Variants in SIPA1L3 observed in about 807,000 individuals in gnomAD.
The protein encoded by SIPA1L3 is signal induced proliferation associated 1 like 3.
A neutral mutation model predicts 150.1 loss-of-function variants in SIPA1L3; 59 were observed. The ratio of observed to expected loss-of-function variants is 0.39; its 90% CI spans 0.32 to 0.49. The LOEUF (loss-of-function observed/expected upper bound fraction) is 0.49, where lower values mean the gene tolerates loss of function less well. Ranked by LOEUF, SIPA1L3 falls within the 20% of genes least tolerant of loss-of-function variation. SIPA1L3 has a pLI of 0.86. For synonymous variants in SIPA1L3, 1,070 were observed against 1,077.6 expected (o/e 0.99, Z 0.14); for missense variants, 2,211 against 2,489.5 (o/e 0.89, Z 2.38).
At chr19:38,113,302 T>C (rs1478416142) in intron 8 of SIPA1L3, among the ~76,000 whole-genome samples, 1 of 151,416 alleles carries the variant, frequency 6.6e-6, no homozygotes, top group Non-Finnish European at 1.5e-5. Flanking sequence ...TTGCCCAACA[T>C]GTTTCTGTCA....
chr19:37,926,712 A>G (rs1441993301), intron 1 of SIPA1L3, among the ~76,000 whole-genome samples: 2 of 152,132 alleles, frequency 1.3e-5, no homozygotes, highest in Non-Finnish European at 2.9e-5. Context: ...TGGGGGTGAA[A>G]TAACCTTAAA....
intron 9 of SIPA1L3, among the ~76,000 whole-genome samples, chr19:38,122,267 CA>C (rs2145901122): frequency 6.6e-6 from 1 of 152,298 alleles, no homozygotes; most frequent in South Asian, 2.1e-4. Flanking sequence ...CCACCCCTCT[CA>C]GAGGTTTCCT....
At chr19:37,936,613 C>A (rs1459331203) in intron 1 of SIPA1L3, among the ~76,000 whole-genome samples, 2 of 152,170 alleles carry the variant, frequency 1.3e-5, no homozygotes, top group African/African-American at 4.8e-5. Flanking sequence ...TTCACAGTGG[C>A]CCTATGAAAT....
At chr19:38,097,055 T>TAGATA (rs1163784034) in intron 4 of SIPA1L3, among the ~76,000 whole-genome samples, 60 of 152,246 alleles carry the variant, frequency 3.9e-4, no homozygotes, top group Admixed American at 1.4e-3. Flanking sequence ...AACAAAAGAA[T>TAGATA]ACAAACTGCC....
intron 2 of SIPA1L3, among the ~76,000 whole-genome samples, chr19:38,053,424 A>G (rs1969243075): frequency 1.3e-5 from 2 of 152,224 alleles, no homozygotes; most frequent in South Asian, 4.1e-4. Flanking sequence ...ACATCTAGGG[A>G]GTGGCACACC....
chr19:38,142,812 A>G, intron 12 of SIPA1L3, 102 bp downstream of exon 12: 3 of 1,437,888 alleles, frequency 2.1e-6, no homozygotes, highest in East Asian at 2.3e-5. Context: ...TTGCCATTTT[A>G]TGGTGTTTCT....
chr19:38,017,731 G>A (rs971074200), intron 1 of SIPA1L3, among the ~76,000 whole-genome samples: 1 of 151,810 alleles, frequency 6.6e-6, no homozygotes, highest in Non-Finnish European at 1.5e-5. Context: ...GGGTCTTGCA[G>A]TGTTGCCCAG....
At chr19:37,929,685 C>T (rs2046535850) in intron 1 of SIPA1L3, among the ~76,000 whole-genome samples, 1 of 152,160 alleles carries the variant, frequency 6.6e-6, no homozygotes, top group South Asian at 2.1e-4. Flanking sequence ...TCCTACCCTT[C>T]CTTGCAAAGG....
intron 9 of SIPA1L3, among the ~76,000 whole-genome samples, chr19:38,120,313 G>A (rs200118863): frequency 6.9e-6 from 1 of 144,160 alleles, no homozygotes; most frequent in East Asian, 2.1e-4. Context: ...AAAAAAAAAA[G>A]AAAAGAAAAT....
intron 1 of SIPA1L3, among the ~76,000 whole-genome samples, chr19:37,984,084 A>G (rs1340038268): frequency 6.6e-6 from 1 of 152,148 alleles, no homozygotes; most frequent in African/African-American, 2.4e-5. Flanking sequence ...GAATCTCCTG[A>G]GAACAATGAG....
intron 10 of SIPA1L3, among the ~76,000 whole-genome samples, chr19:38,135,357 C>T (rs1194165242): frequency 2.0e-5 from 3 of 152,172 alleles, no homozygotes; most frequent in Non-Finnish European, 4.4e-5. Flanking sequence ...GCCCTTTTCT[C>T]CTGCCACCTT....
At chr19:38,155,138 G>A (rs888535247) in intron 13 of SIPA1L3, among the ~76,000 whole-genome samples, 5 of 152,232 alleles carry the variant, frequency 3.3e-5, no homozygotes, top group African/African-American at 9.6e-5. Flanking sequence ...CTATCAACAT[G>A]TGAGAGTTCT....
At position 38,078,528 on chromosome 19, in the gene SIPA1L3, GCACACAGACACGCACA is replaced by G. The variant is rs1265337448; in HGVS notation, c.-310-2709_-310-2694del. Among the ~76,000 whole-genome samples the G allele has an allele frequency of 2.3e-4, 29 of 127,932 alleles. 1 individual carries two copies. The highest frequency in any genetic ancestry group is 1.6e-3 in the South Asian group (6 of 3,786). 83.9% of individuals were successfully genotyped at this position (127,932 alleles called of 152,430 possible). A position where few individuals can be genotyped will look rare whatever the true frequency, so the allele number is the denominator to read the frequency against. ...CACAGACATGCACACACACACAGAC[GCACACAGACACGCACA>G]CACACAGACACGCACACAGACATAC... On this transcript the variant is annotated intron_variant, in intron 2 of 21. Coordinates refer to ENST00000222345, the MANE Select transcript of SIPA1L3 (RefSeq NM_015073.3).
chr19:38,144,752 C>G (rs969994422), intron 12 of SIPA1L3, among the ~76,000 whole-genome samples: 3 of 152,198 alleles, frequency 2.0e-5, no homozygotes, highest in African/African-American at 7.2e-5. Flanking sequence ...GTAGTCAGCC[C>G]TTGCTGACTG....
At chr19:38,162,995 T>G (rs1406128596) in intron 14 of SIPA1L3, among the ~76,000 whole-genome samples, 2 of 152,228 alleles carry the variant, frequency 1.3e-5, no homozygotes, top group African/African-American at 4.8e-5. Context: ...TAGTCCTGTG[T>G]GTCCAGGAGG....
At chr19:38,133,787 G>A (rs986525547) in intron 10 of SIPA1L3, among the ~76,000 whole-genome samples, 13 of 152,046 alleles carry the variant, frequency 8.6e-5, no homozygotes, top group Non-Finnish European at 1.5e-4. Context: ...GGACAATAAC[G>A]TCCTTTCCAC....
At chr19:38,075,042 G>T (rs909967205) in intron 2 of SIPA1L3, among the ~76,000 whole-genome samples, 7 of 152,172 alleles carry the variant, frequency 4.6e-5, no homozygotes, top group African/African-American at 1.7e-4. Context: ...CTTCATTGAG[G>T]TTTTTATTGT....
intron 1 of SIPA1L3, among the ~76,000 whole-genome samples, chr19:37,965,316 A>AT (rs2046893355): frequency 7.5e-6 from 1 of 133,072 alleles, no homozygotes. Flanking sequence ...TTATATTTCT[A>AT]GTTTTTTTTT....
intron 1 of SIPA1L3, among the ~76,000 whole-genome samples, chr19:37,939,839 C>T (rs921362813): frequency 5.9e-5 from 9 of 152,084 alleles, no homozygotes; most frequent in Admixed American, 2.6e-4. Context: ...AGTAGGCAGC[C>T]GGTAATGTCA....
Sources: allele counts gnomAD v4.1 joint callset (sites outside exome capture counted in the v4.1 genomes callset), GRCh38; gene constraint gnomAD v4.1.1; transcripts MANE v1.5; gene names NCBI Gene and HGNC (gene_info 2026-07-23, HGNC 2026-07-21).